KPNA5: variants seen among roughly 807,000 people sequenced by gnomAD.
KPNA5 encodes importin subunit alpha-6.
In KPNA5, 46 loss-of-function variants were observed where a neutral mutation model predicts 71.3. That is an observed-to-expected ratio of 0.65 (90% CI 0.51 to 0.83). The LOEUF is 0.83. Among genes scored for constraint, KPNA5 ranks in the 40% least tolerant of loss-of-function variants. The pLI is 0.00. For missense variants in KPNA5, 547 were observed against 628.3 expected (o/e 0.87, Z 1.38); for synonymous variants, 207 against 201.4 (o/e 1.03, Z -0.24).
At chr6:116,730,925 G>A (rs150529064) in intron 13 of KPNA5, among the ~76,000 whole-genome samples, 42 of 147,532 alleles carry the variant, frequency 2.8e-4, no homozygotes, top group Non-Finnish European at 4.1e-4. Flanking sequence ...CTTTTTCCTC[G>A]GTCTATTTTT....
chr6:116,681,616 C>T (rs1005111611), intron 1 of KPNA5: 24 of 1,029,604 alleles, frequency 2.3e-5, no homozygotes, highest in Non-Finnish European at 2.9e-5. Context: ...TCTTCGCCGC[C>T]CCGCCTCACC....
At chr6:116,690,891 G>A (rs1777774166) in intron 2 of KPNA5, among the ~76,000 whole-genome samples, 1 of 152,130 alleles carries the variant, frequency 6.6e-6, no homozygotes, top group African/African-American at 2.4e-5. Flanking sequence ...ATCTAATACA[G>A]TGTAAATGCT....
Position 116,735,607 on chromosome 6 carries a change from T to G in KPNA5, c.*3284T>G, listed in dbSNP as rs1273877813. ...GCAATATTATGAAATGTTACAACACTATATTAAAAATAATAAAATATTTTA... is the reference window on the plus strand; with the variant it reads ...GCAATATTATGAAATGTTACAACACGATATTAAAAATAATAAAATATTTTA... On this transcript the variant is annotated 3_prime_UTR_variant, in exon 14 of 14. Transcript: ENST00000368564. 1 of 151,738 alleles carries G rather than the reference T, an allele frequency of 6.6e-6. No individual in the cohort carries two copies. Among genetic ancestry groups the G allele is most frequent in the African/African-American group, 2.4e-5 (1 of 41,428 alleles). The allele number at this position is 151,738 out of a possible 1,614,324, so 9.4% of individuals were successfully genotyped here.
At chr6:116,696,472 T>A (rs901891111) in intron 4 of KPNA5, among the ~76,000 whole-genome samples, 1 of 152,184 alleles carries the variant, frequency 6.6e-6, no homozygotes, top group Non-Finnish European at 1.5e-5. Context: ...TAGGAAGATA[T>A]GAATATGCCC....
Position 116,736,911 on chromosome 6 carries a change from A to G in KPNA5, c.*4588A>G, listed in dbSNP as rs1409563255. 1 of 151,794 alleles carries G rather than the reference A, an allele frequency of 6.6e-6. No individual in the cohort carries two copies. The highest frequency in any genetic ancestry group is 1.5e-5 in the Non-Finnish European group (1 of 67,876). 9.4% of individuals were successfully genotyped at this position (151,794 alleles called of 1,614,324 possible). The stretch of plus-strand genomic sequence containing the variant: ...AAAATTCAATTTGGATCTGTTTTAT[A>G]TCTTCCATTTTTTTTATCATACTCA... On this transcript the variant is annotated 3_prime_UTR_variant, in exon 14 of 14. Transcript: ENST00000368564.
intron 7 of KPNA5, among the ~76,000 whole-genome samples, chr6:116,709,305 T>G (rs1473151116): frequency 6.6e-6 from 1 of 151,976 alleles, no homozygotes; most frequent in East Asian, 1.9e-4. Flanking sequence ...CAAGCGGTTC[T>G]CATGCCTCAA....
chr6:116,708,743 G>A (rs1299687606), intron 7 of KPNA5, among the ~76,000 whole-genome samples: 1 of 152,036 alleles, frequency 6.6e-6, no homozygotes, highest in East Asian at 1.9e-4. Flanking sequence ...TTCCTTGGTA[G>A]TGTATAGAAA....
Position 116,735,015 on chromosome 6 carries a change from A to G in KPNA5, c.*2692A>G, listed in dbSNP as rs1011807248. 6.6e-6 allele frequency: 1 copy of G among 151,704 alleles called. No individual in the cohort carries two copies. The highest frequency in any genetic ancestry group is 2.4e-5 in the African/African-American group (1 of 41,406). 9.4% of individuals were successfully genotyped at this position (151,704 alleles called of 1,614,324 possible). A position where few individuals can be genotyped will look rare whatever the true frequency, so the allele number is the denominator to read the frequency against. On this transcript the variant is annotated 3_prime_UTR_variant, in exon 14 of 14. Coordinates refer to ENST00000368564, the MANE Select transcript of KPNA5 (RefSeq NM_001366306.2). ...GAATTTCTCCTATTTAATCTATGCAATTATGCTTGTTTTATATTTATAAGC... is the reference window on the plus strand; with the variant it reads ...GAATTTCTCCTATTTAATCTATGCAGTTATGCTTGTTTTATATTTATAAGC...
chr6:116,707,103 G>T (rs1452694877), intron 7 of KPNA5, among the ~76,000 whole-genome samples: 2 of 152,052 alleles, frequency 1.3e-5, no homozygotes, highest in East Asian at 3.9e-4. Flanking sequence ...GGTGGAGCTT[G>T]CAGTGAGCCA....
At chr6:116,728,013 TGTC>T (rs796378367) in intron 12 of KPNA5, among the ~76,000 whole-genome samples, 5 of 152,210 alleles carry the variant, frequency 3.3e-5, no homozygotes, top group African/African-American at 7.2e-5. Context: ...ATTGTGAAAT[TGTC>T]GTCTTTTATT....
chr6:116,716,880 T>C (rs1778907385), intron 8 of KPNA5, among the ~76,000 whole-genome samples: 1 of 152,102 alleles, frequency 6.6e-6, no homozygotes, highest in African/African-American at 2.4e-5. Context: ...GTTTAAACTT[T>C]GGTAAAGATC....
At chr6:116,690,868 G>T (rs529141575) in intron 2 of KPNA5, among the ~76,000 whole-genome samples, 62 of 152,266 alleles carry the variant, frequency 4.1e-4, no homozygotes, top group African/African-American at 1.4e-3. Flanking sequence ...GTCATCTCCA[G>T]ATTACTTATA....
At chr6:116,698,819 CTTAAT>C in intron 5 of KPNA5, 21 bp downstream of exon 5, 1 of 1,344,928 alleles carries the variant, frequency 7.4e-7, no homozygotes, top group Non-Finnish European at 1.0e-6. Flanking sequence ...AGTTTTCTTT[CTTAAT>C]TTTTCTCTAG....
At chr6:116,701,293 T>TA (rs1583416248) in intron 5 of KPNA5, among the ~76,000 whole-genome samples, 1 of 152,212 alleles carries the variant, frequency 6.6e-6, no homozygotes, top group East Asian at 1.9e-4. Context: ...TTTTAAACTA[T>TA]ATTCACTGCT....
At chr6:116,690,371 C>G (rs1300569454) in intron 2 of KPNA5, among the ~76,000 whole-genome samples, 1 of 152,146 alleles carries the variant, frequency 6.6e-6, no homozygotes, top group African/African-American at 2.4e-5. Context: ...TAAAGAAGAA[C>G]AGGCTGGGAG....
chr6:116,738,854 AAAT>A lies in KPNA5; in HGVS notation c.*6537_*6539del, dbSNP rs1305541707. 2 of 152,262 alleles carry A rather than the reference AAAT, an allele frequency of 1.3e-5. No homozygotes were observed. Among genetic ancestry groups the A allele is most frequent in the African/African-American group, 2.4e-5 (1 of 41,538 alleles). 9.4% of individuals were successfully genotyped at this position (152,262 alleles called of 1,614,324 possible). ...TTAGGTATTGATGGGACGTATCTCC[AAAT>A]AATAAGAGCTATCTATGACAAACCC... On this transcript the variant is annotated 3_prime_UTR_variant, in exon 14 of 14. Coordinates refer to ENST00000368564, the MANE Select transcript of KPNA5 (RefSeq NM_001366306.2).
intron 7 of KPNA5, among the ~76,000 whole-genome samples, chr6:116,714,194 G>T (rs1400054650): frequency 6.6e-6 from 1 of 152,088 alleles, no homozygotes; most frequent in East Asian, 1.9e-4. Flanking sequence ...CTCCTTCCAG[G>T]TTTTCATGTT....
intron 4 of KPNA5, among the ~76,000 whole-genome samples, chr6:116,694,894 C>A (rs533584655): frequency 6.6e-6 from 1 of 151,974 alleles, no homozygotes; most frequent in Non-Finnish European, 1.5e-5. Context: ...AATTTATGCT[C>A]CCATCTTCAG....
In KPNA5 at chr6:116,735,266, A is replaced by C. The variant is rs1779631795; in HGVS notation, c.*2943A>C. ...ATTTATTGGATAAGGGACTAAAAGA[A>C]GCATATATTACCTTTGCCTTTATAT... On this transcript the variant is annotated 3_prime_UTR_variant, in exon 14 of 14. Coordinates refer to ENST00000368564, the MANE Select transcript of KPNA5 (RefSeq NM_001366306.2). 1 of 151,792 alleles carries C rather than the reference A, an allele frequency of 6.6e-6. No homozygotes were observed. The allele number at this position is 151,792 out of a possible 1,614,324, so 9.4% of individuals were successfully genotyped here. A position where few individuals can be genotyped will look rare whatever the true frequency, so the allele number is the denominator to read the frequency against.
Sources: allele counts gnomAD v4.1 joint callset (sites outside exome capture counted in the v4.1 genomes callset), GRCh38; gene constraint gnomAD v4.1.1; transcripts MANE v1.5; gene names NCBI Gene and HGNC (gene_info 2026-07-23, HGNC 2026-07-21).